Variants in TOX2 observed in about 807,000 individuals in gnomAD.
The protein encoded by TOX2 is granulosa cell HMG box 1.
TOX2 carries 15 observed loss-of-function variants against 47.4 expected under a neutral mutation model. The observed-to-expected ratio is 0.32, with a 90% CI of 0.21 to 0.49. TOX2 has a LOEUF of 0.49. TOX2 is among the 20% of genes least tolerant of loss of function. The pLI is 0.99. For synonymous variants in TOX2, 290 were observed against 296.6 expected (o/e 0.98, Z 0.23); for missense variants, 622 against 673.1 (o/e 0.92, Z 0.84).
intron 2 of TOX2, among the ~76,000 whole-genome samples, chr20:44,001,998 C>T (rs1158333197): frequency 6.6e-6 from 1 of 152,230 alleles, no homozygotes; most frequent in Non-Finnish European, 1.5e-5. Flanking sequence ...CTAACTCACA[C>T]AGCACAGGTC....
intron 2 of TOX2, among the ~76,000 whole-genome samples, chr20:43,993,323 G>A (rs2145557483): frequency 6.6e-6 from 1 of 152,338 alleles, no homozygotes; most frequent in East Asian, 1.9e-4. Context: ...GGAGATCATT[G>A]AGGAGGTGAT....
intron 3 of TOX2, among the ~76,000 whole-genome samples, chr20:44,043,534 A>G (rs1043589778): frequency 5.9e-5 from 9 of 152,100 alleles, no homozygotes; most frequent in African/African-American, 1.9e-4. Context: ...AACTATCTTC[A>G]CTGGTTATTG....
chr20:44,019,195 G>A (rs1345407052), intron 3 of TOX2, among the ~76,000 whole-genome samples: 1 of 152,138 alleles, frequency 6.6e-6, no homozygotes, highest in Admixed American at 6.5e-5. Flanking sequence ...AAGTTACATG[G>A]GGACCCTATA....
intron 2 of TOX2, among the ~76,000 whole-genome samples, chr20:43,980,779 A>C (rs946752746): frequency 1.3e-4 from 20 of 152,212 alleles, no homozygotes; most frequent in African/African-American, 4.6e-4. Flanking sequence ...CATTTCTACT[A>C]TTTAAAGCCT....
At chr20:44,037,592 T>TA (rs1272502304) in intron 3 of TOX2, among the ~76,000 whole-genome samples, 4 of 152,212 alleles carry the variant, frequency 2.6e-5, no homozygotes, top group Non-Finnish European at 5.9e-5. Context: ...ATGGGGGTGA[T>TA]AAGAGTGCTT....
At position 44,006,680 on chromosome 20, in the gene TOX2, C is replaced by A. The variant is rs1223426354; in HGVS notation, c.299C>A (p.Thr100Asn). 3 of 1,613,966 alleles carry A rather than the reference C, an allele frequency of 1.9e-6. 1 individual carries two copies. ...TACCACTCGCTGTGCCACGGCCTCACCCCCAACGGTCTGCTCCCTGCCTAC... is the reference window on the plus strand; with the variant it reads ...TACCACTCGCTGTGCCACGGCCTCAACCCCAACGGTCTGCTCCCTGCCTAC... The part of the protein sequence containing the change: ...ASYHSLCHGL[T>N]PNGLLPAYSY... The change falls in exon 3 of 9, where the codon ACC (threonine) becomes AAC (asparagine). Residue 100 changes from threonine (T) to asparagine (N), a missense_variant. Physicochemically the swap from Thr to Asn is moderately conservative, Grantham distance 65. Transcript: ENST00000341197.
At chr20:44,053,921 G>A (rs996167132) in intron 4 of TOX2, among the ~76,000 whole-genome samples, 3 of 152,190 alleles carry the variant, frequency 2.0e-5, no homozygotes, top group African/African-American at 7.2e-5. Flanking sequence ...CGGTAGAGAT[G>A]CAAATTTCTG....
intron 2 of TOX2, among the ~76,000 whole-genome samples, chr20:43,982,045 C>T (rs2070178560): frequency 6.6e-6 from 1 of 151,498 alleles, no homozygotes; most frequent in African/African-American, 2.4e-5. Flanking sequence ...CTAAGGGATG[C>T]TTTCAGATTT....
intron 2 of TOX2, among the ~76,000 whole-genome samples, chr20:43,980,488 A>G (rs1050407897): frequency 6.6e-6 from 1 of 152,220 alleles, no homozygotes; most frequent in African/African-American, 2.4e-5. Context: ...GCGTATTTTA[A>G]AATAACTGAA....
chr20:43,974,345 C>T (rs577423024), intron 2 of TOX2, among the ~76,000 whole-genome samples: 1 of 152,190 alleles, frequency 6.6e-6, no homozygotes, highest in South Asian at 2.1e-4. Flanking sequence ...CAGGGAGAGT[C>T]CTTACTGCAG....
At chr20:44,003,046 G>C (rs1159801930) in intron 2 of TOX2, among the ~76,000 whole-genome samples, 1 of 152,146 alleles carries the variant, frequency 6.6e-6, no homozygotes. Flanking sequence ...GCAAACCCAA[G>C]CTGCCTGGCT....
intron 2 of TOX2, among the ~76,000 whole-genome samples, chr20:43,985,716 G>C (rs1313454177): frequency 6.6e-6 from 1 of 152,148 alleles, no homozygotes; most frequent in Non-Finnish European, 1.5e-5. Flanking sequence ...CCCAAGTAGA[G>C]GCCCGGAAGC....
At chr20:43,941,740 T>C (rs1231497100) in intron 1 of TOX2, among the ~76,000 whole-genome samples, 1 of 152,160 alleles carries the variant, frequency 6.6e-6, no homozygotes, top group East Asian at 1.9e-4. Context: ...CCTTGGGATG[T>C]TGCACAGGAA....
chr20:43,994,670 T>C (rs2070438507), intron 2 of TOX2, among the ~76,000 whole-genome samples: 1 of 152,106 alleles, frequency 6.6e-6, no homozygotes, highest in Admixed American at 6.5e-5. Context: ...ATCATGTATC[T>C]TTCCAGAGCC....
At chr20:43,988,804 T>C (rs988065720) in intron 2 of TOX2, among the ~76,000 whole-genome samples, 16 of 152,098 alleles carry the variant, frequency 1.1e-4, no homozygotes, top group African/African-American at 3.4e-4. Context: ...TACAGGGATA[T>C]ACACACACAC....
In TOX2 at chr20:44,026,238, TATATATATATAG is replaced by T. The variant is rs1317623843; in HGVS notation, c.411+19448_411+19459del. ...GGATAAAGAAACTGTGATATATATA[TATATATATATAG>T]ACACACACACACACAATGGAATACT... On this transcript the variant is annotated intron_variant, in intron 3 of 8. Coordinates refer to ENST00000341197, the MANE Select transcript of TOX2 (RefSeq NM_001098797.2). Among the ~76,000 whole-genome samples the T allele has an allele frequency of 2.9e-4, 29 of 100,430 alleles. 2 individuals carry two copies. The highest frequency in any genetic ancestry group is 1.4e-3 in the African/African-American group (29 of 21,298). 65.9% of individuals were successfully genotyped at this position (100,430 alleles called of 152,430 possible). A position where few individuals can be genotyped will look rare whatever the true frequency, so the allele number is the denominator to read the frequency against.
chr20:44,029,891 G>T (rs149856386), intron 3 of TOX2, among the ~76,000 whole-genome samples: 7 of 152,046 alleles, frequency 4.6e-5, no homozygotes, highest in African/African-American at 1.7e-4. Context: ...TGGCCTTCAC[G>T]TTGCCAAACC....
Position 43,998,765 on chromosome 20 carries a change from A to G in TOX2, c.166-7782A>G, listed in dbSNP as rs541013083. On this transcript the variant is annotated intron_variant, in intron 2 of 8. Transcript: ENST00000341197. ...TATCTATCTATCTATCTATCTATCT[A>G]TCTATTTATTTTAAGATGGAGTCTC... 4.8e-4 allele frequency among the ~76,000 whole-genome samples: 73 copies of G among 151,332 alleles called. 1 individual carries two copies. The highest frequency in any genetic ancestry group is 1.7e-3 in the African/African-American group (71 of 41,154).
chr20:44,057,606 C>T (rs757722915), intron 5 of TOX2, among the ~76,000 whole-genome samples: 4 of 152,140 alleles, frequency 2.6e-5, no homozygotes, highest in Non-Finnish European at 5.9e-5. Flanking sequence ...AATAAGAAAA[C>T]CTTCACAAGT....
Sources: gnomAD v4.1 joint callset for allele counts (sites outside exome capture counted in the v4.1 genomes callset) on GRCh38, gnomAD v4.1.1 for gene constraint, MANE v1.5 for transcripts, NCBI Gene and HGNC (gene_info 2026-07-23, HGNC 2026-07-21) for gene names.